Variants in CDC42EP4 observed in about 807,000 individuals in gnomAD.
The protein encoded by CDC42EP4 is CDC42 effector protein 4.
A neutral mutation model predicts 5.6 loss-of-function variants in CDC42EP4; 6 were observed. That is an observed-to-expected ratio of 1.07 (90% confidence interval 0.59 to 2.12). The LOEUF (loss-of-function observed/expected upper bound fraction) is 2.12. Ranked by LOEUF, CDC42EP4 falls within the 30% of genes most tolerant of loss-of-function variation. CDC42EP4 has a pLI of 0.00. For missense variants in CDC42EP4, 490 were observed against 508.6 expected, an observed-to-expected ratio of 0.96 and a Z score of 0.35; for synonymous variants, 230 against 224.2, an observed-to-expected ratio of 1.03 and a Z score of -0.23.
At chr17:73,306,320 A>C in intron 1 of CDC42EP4, among the ~76,000 whole-genome samples, 1 of 145,364 alleles carries the variant, frequency 6.9e-6, no homozygotes. Context: ...GCACAGTGAG[A>C]CCCTGTCTCT....
chr17:73,310,567 CA>C (rs1410181523), intron 1 of CDC42EP4, among the ~76,000 whole-genome samples: 1 of 151,376 alleles, frequency 6.6e-6, no homozygotes, highest in African/African-American at 2.4e-5. Context: ...GGTCAGATTG[CA>C]AGGGGTGGGA....
intron 1 of CDC42EP4, among the ~76,000 whole-genome samples, chr17:73,295,935 T>TA (rs984961573): frequency 6.6e-6 from 1 of 151,550 alleles, no homozygotes; most frequent in African/African-American, 2.4e-5. Context: ...ATGATGGTTT[T>TA]AAAATGAATA....
chr17:73,285,105 C>G lies in CDC42EP4; in HGVS notation c.*325G>C, dbSNP rs2062123754. The G allele has an allele frequency of 5.1e-6, 1 of 197,616 alleles. No homozygotes were observed. The highest frequency in any genetic ancestry group is 1.7e-4 in the South Asian group (1 of 5,756). 12.2% of individuals were successfully genotyped at this position (197,616 alleles called of 1,614,324 possible). On this transcript the variant is annotated 3_prime_UTR_variant, in exon 2 of 2. Coordinates refer to ENST00000335793, the MANE Select transcript of CDC42EP4 (RefSeq NM_012121.5). This position sits in a 1 kb window ranked among gnomAD's most constrained non-coding sequence, Gnocchi z 6.8. ...ACGTGGCCAGAACTGGGGTTGGCATCTGGCATCCATTTGAGGCCAGGGTGG... is the reference window on the plus strand; with the variant it reads ...ACGTGGCCAGAACTGGGGTTGGCATGTGGCATCCATTTGAGGCCAGGGTGG...
At chr17:73,310,033 CAG>C (rs2062265526) in intron 1 of CDC42EP4, 1 of 152,356 alleles carries the variant, frequency 6.6e-6, no homozygotes, top group Admixed American at 6.5e-5. Flanking sequence ...GGCTTCTCAG[CAG>C]AGATAGAGCC....
chr17:73,299,043 C>T (rs139985468), intron 1 of CDC42EP4, among the ~76,000 whole-genome samples: 3 of 151,958 alleles, frequency 2.0e-5, no homozygotes, highest in Admixed American at 6.5e-5. Flanking sequence ...GCAGCCTCAA[C>T]TTCCCGGGCT....
chr17:73,305,318 G>T (rs564436855), intron 1 of CDC42EP4, among the ~76,000 whole-genome samples: 1 of 152,322 alleles, frequency 6.6e-6, no homozygotes, highest in Non-Finnish European at 1.5e-5. Context: ...ATACAGGCTG[G>T]GCCCTCCTCC....
chr17:73,287,334 A>T (rs976004702), intron 1 of CDC42EP4, among the ~76,000 whole-genome samples: 49 of 152,116 alleles, frequency 3.2e-4, no homozygotes, highest in African/African-American at 1.1e-3. Flanking sequence ...CTCTTTGCTG[A>T]GGGTCCACCT....
chr17:73,310,451 G>A (rs2062267540), intron 1 of CDC42EP4, among the ~76,000 whole-genome samples: 1 of 152,064 alleles, frequency 6.6e-6, no homozygotes, highest in African/African-American at 2.4e-5. Flanking sequence ...GGGAGGGCAG[G>A]GGGCTTCGCA....
chr17:73,304,443 G>A (rs992173728), intron 1 of CDC42EP4, among the ~76,000 whole-genome samples: 1 of 152,002 alleles, frequency 6.6e-6, no homozygotes, highest in African/African-American at 2.4e-5. Context: ...GTCATACACG[G>A]TCCCAAGCAT....
In CDC42EP4 at chr17:73,303,662, C is replaced by CAAAAAAAAAA. The variant is rs542149787; in HGVS notation, c.-113+8221_-113+8230dup. Among the ~76,000 whole-genome samples, 6 of 83,926 alleles carry CAAAAAAAAAA rather than the reference C, an allele frequency of 7.1e-5. No homozygotes were observed. In the East Asian group the frequency reaches 1.8e-3, roughly 25 times the overall value. The allele number at this position is 83,926 out of a possible 152,430, so 55.1% of individuals were successfully genotyped here. On this transcript the variant is annotated intron_variant, in intron 1 of 1. Transcript: ENST00000335793. The stretch of plus-strand genomic sequence containing the variant: ...GGGCAACAGAGCAAGACTCTGTCTC[C>CAAAAAAAAAA]AAAAAAAAAAAAAAAAAAATTAATT...
intron 1 of CDC42EP4, among the ~76,000 whole-genome samples, chr17:73,290,431 T>C (rs113673723): frequency 6.6e-5 from 10 of 152,284 alleles, no homozygotes; most frequent in African/African-American, 2.2e-4. Context: ...CTAGAGCAGG[T>C]TCCACACTGT....
At chr17:73,299,762 C>T (rs2062209212) in intron 1 of CDC42EP4, among the ~76,000 whole-genome samples, 1 of 152,076 alleles carries the variant, frequency 6.6e-6, no homozygotes, top group African/African-American at 2.4e-5. Flanking sequence ...GGTCTGGGAG[C>T]CGGTTAACCT....
rs547362762 is a variant in CDC42EP4 at position 73,297,001 on chromosome 17, A to AAAAAAAAAAAAAAAAAAAAAAACAC, written c.-112-10390_-112-10389insGTGTTTTTTTTTTTTTTTTTTTTTT. ...GTCTCAAAAAAAAAAAAAAAAAAAAAAAATACACAAGGCCAAGCGCCGTGG... is the reference window on the plus strand; with the variant it reads ...GTCTCAAAAAAAAAAAAAAAAAAAAAAAAAAAAAAAAAAAAAAAAAAACACAAATACACAAGGCCAAGCGCCGTGG... On this transcript the variant is annotated intron_variant, in intron 1 of 1. Coordinates refer to ENST00000335793, the MANE Select transcript of CDC42EP4 (RefSeq NM_012121.5). Among the ~76,000 whole-genome samples the AAAAAAAAAAAAAAAAAAAAAAACAC allele has an allele frequency of 1.9e-3, 117 of 61,754 alleles. 28 individuals are homozygous for AAAAAAAAAAAAAAAAAAAAAAACAC. Among genetic ancestry groups the AAAAAAAAAAAAAAAAAAAAAAACAC allele is most frequent in the Non-Finnish European group, 3.0e-3 (90 of 30,020 alleles). 40.5% of individuals were successfully genotyped at this position (61,754 alleles called of 152,430 possible). A position where few individuals can be genotyped will look rare whatever the true frequency, so the allele number is the denominator to read the frequency against.
intron 1 of CDC42EP4, among the ~76,000 whole-genome samples, chr17:73,305,313 G>T (rs56144519): frequency 2.8e-4 from 42 of 152,236 alleles, no homozygotes; most frequent in Admixed American, 2.0e-3. Context: ...CCCCCATACA[G>T]GCTGGGCCCT....
At position 73,291,282 on chromosome 17, in the gene CDC42EP4, C is replaced by T. The variant is rs968980778; in HGVS notation, c.-112-4670G>A. Among the ~76,000 whole-genome samples the T allele has an allele frequency of 3.3e-5, 5 of 152,256 alleles. No homozygotes were observed. The South Asian group carries it at 6.2e-4, about 19-fold the overall frequency. On this transcript the variant is annotated intron_variant, in intron 1 of 1. Transcript: ENST00000335793. ...GAGAGTTGGGGCCTAGAGGGAGTCA[C>T]GCATCTGTCCCACTGCCCCAGCGAG...
intron 1 of CDC42EP4, among the ~76,000 whole-genome samples, chr17:73,291,015 C>A (rs1052303537): frequency 2.0e-5 from 3 of 152,186 alleles, no homozygotes; most frequent in African/African-American, 7.2e-5. Flanking sequence ...CCCAGCACAT[C>A]CTTGCGGGTA....
At chr17:73,303,043 CAAA>C (rs554983651) in intron 1 of CDC42EP4, among the ~76,000 whole-genome samples, 1 of 116,848 alleles carries the variant, frequency 8.6e-6, no homozygotes, top group Non-Finnish European at 1.7e-5. Context: ...GACTCCGTCT[CAAA>C]AAAAAAAAGA....
chr17:73,295,185 A>C (rs1164793544), intron 1 of CDC42EP4, among the ~76,000 whole-genome samples: 1 of 152,004 alleles, frequency 6.6e-6, no homozygotes, highest in African/African-American at 2.4e-5. Context: ...TCCCACTGAG[A>C]TTGAGAGATG....
intron 1 of CDC42EP4, among the ~76,000 whole-genome samples, chr17:73,308,832 C>T (rs1278909060): frequency 6.6e-5 from 10 of 151,120 alleles, no homozygotes; most frequent in African/African-American, 2.2e-4. Context: ...TTCAGGAGTT[C>T]GCGACCGGCC....
Sources: allele counts gnomAD v4.1 joint callset (sites outside exome capture counted in the v4.1 genomes callset), GRCh38; gene constraint gnomAD v4.1.1; non-coding constraint Gnocchi (gnomAD v3.1); transcripts MANE v1.5; gene names NCBI Gene and HGNC (gene_info 2026-07-23, HGNC 2026-07-21).